Variants in DMD observed in about 807,000 individuals in gnomAD.
DMD encodes the protein mutant dystrophin.
In DMD, 63 loss-of-function variants were observed where a neutral mutation model predicts 330.1. The observed-to-expected ratio is 0.19, with a 90% confidence interval of 0.16 to 0.24. The LOEUF is 0.24. DMD is among the 10% of genes least tolerant of loss of function. The probability of loss-of-function intolerance (pLI) is 1.00; values close to 1 mark genes in which losing one functional copy is unlikely to be tolerated. For synonymous variants in DMD, 1,223 were observed against 959.8 expected (o/e 1.27, Z -5.07); for missense variants, 3,344 against 2,684.1 (o/e 1.25, Z -5.43).
At chrX:31,511,296 G>C (rs2071531284) in intron 55 of DMD, among the ~76,000 whole-genome samples, 2 of 92,021 alleles carry the variant, frequency 2.2e-5, no homozygotes, top group Non-Finnish European at 2.1e-5. Context: ...AATGATATTT[G>C]TCTAAACTCA....
At chrX:31,524,149 T>C (rs778604994) in intron 55 of DMD, among the ~76,000 whole-genome samples, 5 of 112,078 alleles carry the variant, frequency 4.5e-5, no homozygotes, top group Non-Finnish European at 9.4e-5. Flanking sequence ...CCCGCTGAGC[T>C]GGAGAGCAGA....
chrX:31,863,599 G>T (rs1020509177), intron 48 of DMD, among the ~76,000 whole-genome samples: 13 of 111,593 alleles, frequency 1.2e-4, no homozygotes, highest in South Asian at 3.8e-4. Context: ...TCTCATAATA[G>T]ATTCATTTTC....
At chrX:32,789,071 C>G (rs190890703) in intron 7 of DMD, among the ~76,000 whole-genome samples, 1 of 111,854 alleles carries the variant, frequency 8.9e-6, no homozygotes, top group Admixed American at 9.5e-5. Flanking sequence ...CTGTTTGAGT[C>G]AGAGTACCAT....
intron 3 of DMD, among the ~76,000 whole-genome samples, chrX:32,845,745 T>C (rs2080596704): frequency 8.9e-6 from 1 of 112,234 alleles, no homozygotes; most frequent in Admixed American, 9.4e-5. Context: ...CTGGGTTCAA[T>C]TGTCAGCTCT....
intron 9 of DMD, among the ~76,000 whole-genome samples, chrX:32,692,523 T>A (rs1261848794): frequency 2.7e-5 from 3 of 111,161 alleles, no homozygotes; most frequent in Non-Finnish European, 5.7e-5. Flanking sequence ...GAGTGAAAAA[T>A]CTCCTCTGCC....
intron 7 of DMD, among the ~76,000 whole-genome samples, chrX:32,758,891 G>C (rs1444062340): frequency 2.7e-5 from 3 of 111,409 alleles, no homozygotes; most frequent in Non-Finnish European, 5.7e-5. Flanking sequence ...AAACAAAACA[G>C]ACATGTAAAA....
rs775323022 is a variant in DMD at position 31,191,170 on chromosome X, A to G, written c.9808-8266T>C. ...ATAATTATCCCAAGCAAGGTAAAGC[A>G]GGTCTGCTAGTACAATGTGTATGTG... is the stretch of plus-strand genomic sequence containing the variant. On this transcript the variant is annotated intron_variant, in intron 67 of 78. Transcript: ENST00000357033. Among the ~76,000 whole-genome samples the G allele has an allele frequency of 6.6e-4, 69 of 104,533 alleles. 1 individual carries two copies. Among genetic ancestry groups the G allele is most frequent in the African/African-American group, 2.2e-3 (61 of 28,003 alleles). The allele number at this position is 104,533 out of a possible 115,157, so 90.8% of individuals were successfully genotyped here.
intron 56 of DMD, among the ~76,000 whole-genome samples, chrX:31,497,513 C>T (rs1223778794): frequency 8.9e-6 from 1 of 111,836 alleles, no homozygotes; most frequent in Non-Finnish European, 1.9e-5. Context: ...CAAGTTTCAA[C>T]ATTTTCTGCT....
chrX:32,707,901 G>A (rs2064828392), intron 7 of DMD, among the ~76,000 whole-genome samples: 1 of 111,661 alleles, frequency 9.0e-6, no homozygotes, highest in African/African-American at 3.3e-5. Flanking sequence ...AAAGTATTTT[G>A]ACTCAGTGAC....
chrX:31,801,673 T>C (rs1430631805), intron 50 of DMD, among the ~76,000 whole-genome samples: 5 of 107,349 alleles, frequency 4.7e-5, no homozygotes, highest in African/African-American at 1.4e-4. Context: ...AATATAGTCA[T>C]ATAAAATCAT....
chrX:33,290,726 GT>G (rs985929232), intron 1 of DMD, among the ~76,000 whole-genome samples: 6 of 111,280 alleles, frequency 5.4e-5, no homozygotes, highest in African/African-American at 2.0e-4. Context: ...TTTACTATAA[GT>G]GAAAGCTTTT....
At chrX:31,750,665 G>A (rs1302796040) in intron 51 of DMD, among the ~76,000 whole-genome samples, 8 of 110,362 alleles carry the variant, frequency 7.2e-5, no homozygotes, top group African/African-American at 2.6e-4. Flanking sequence ...GCAGGAGAAG[G>A]AAATAAAGGG....
intron 61 of DMD, among the ~76,000 whole-genome samples, chrX:31,338,505 G>T (rs2057535099): frequency 9.2e-6 from 1 of 109,181 alleles, no homozygotes; most frequent in Admixed American, 9.8e-5. Context: ...TTATCTCAAA[G>T]TAGGGACAAT....
At chrX:32,392,698 T>C (rs190566835) in intron 30 of DMD, among the ~76,000 whole-genome samples, 135 of 112,728 alleles carry the variant, frequency 1.2e-3, no homozygotes, top group African/African-American at 4.0e-3. Context: ...CTTTGACCAA[T>C]AGAATATAGT....
intron 52 of DMD, among the ~76,000 whole-genome samples, chrX:31,728,342 AC>A (rs2086241059): frequency 9.0e-6 from 1 of 111,531 alleles, no homozygotes; most frequent in African/African-American, 3.3e-5. Flanking sequence ...TGTTCTTGGA[AC>A]CTGTTTTCTC....
At chrX:31,216,754 C>T (rs2045449230) in intron 64 of DMD, among the ~76,000 whole-genome samples, 1 of 111,152 alleles carries the variant, frequency 9.0e-6, no homozygotes, top group Admixed American at 9.5e-5. Flanking sequence ...TCTAATGTCA[C>T]CCTTAGCGCA....
chrX:32,570,994 C>T (rs1480370109), intron 15 of DMD, among the ~76,000 whole-genome samples: 2 of 111,806 alleles, frequency 1.8e-5, no homozygotes, highest in East Asian at 5.6e-4. Flanking sequence ...AAAATATCCT[C>T]ATCTCAGATG....
At chrX:32,540,276 A>G (rs1020697894) in intron 17 of DMD, among the ~76,000 whole-genome samples, 1 of 111,395 alleles carries the variant, frequency 9.0e-6, no homozygotes, top group Non-Finnish European at 1.9e-5. Flanking sequence ...TTATCTTGTG[A>G]CCCAAGATCA....
intron 17 of DMD, among the ~76,000 whole-genome samples, chrX:32,529,258 T>C (rs1347697696): frequency 9.2e-6 from 1 of 108,737 alleles, no homozygotes; most frequent in Non-Finnish European, 1.9e-5. Context: ...ACTTGATTGA[T>C]GTCTCATGCC....
Sources: gnomAD v4.1 joint callset for allele counts (sites outside exome capture counted in the v4.1 genomes callset) on GRCh38, gnomAD v4.1.1 for gene constraint, MANE v1.5 for transcripts, NCBI Gene and HGNC (gene_info 2026-07-23, HGNC 2026-07-21) for gene names.